Variants in ZCCHC2 observed in about 807,000 individuals in gnomAD.
ZCCHC2 encodes zinc finger CCHC domain-containing protein 2.
Under a neutral mutation model 103.6 loss-of-function variants are expected in ZCCHC2, and 39 were observed. The observed-to-expected ratio is 0.38, with a 90% CI of 0.29 to 0.49. The LOEUF (loss-of-function observed/expected upper bound fraction) is 0.49, where lower values mean the gene tolerates loss of function less well. ZCCHC2 is among the 20% of genes least tolerant of loss of function. ZCCHC2 has a pLI of 0.96. For synonymous variants in ZCCHC2, 687 were observed against 608.9 expected (o/e 1.13, Z -1.89); for missense variants, 1,483 against 1,491.0 (o/e 0.99, Z 0.09).
intron 1 of ZCCHC2, among the ~76,000 whole-genome samples, chr18:62,538,045 A>G (rs1915003826): frequency 6.6e-6 from 1 of 152,208 alleles, no homozygotes; most frequent in African/African-American, 2.4e-5. Context: ...ATTTGAAAGT[A>G]TTGCTTTAAA....
chr18:62,582,255 G>A (rs1195136607), downstream of ZCCHC2, among the ~76,000 whole-genome samples: 6 of 152,270 alleles, frequency 3.9e-5, no homozygotes, highest in Non-Finnish European at 8.8e-5. Context: ...GCATGGCCAG[G>A]AGGGCCGAGA....
intron 11 of ZCCHC2, among the ~76,000 whole-genome samples, chr18:62,565,326 A>C (rs990796958): frequency 6.6e-6 from 1 of 152,064 alleles, no homozygotes; most frequent in African/African-American, 2.4e-5. Flanking sequence ...AGTGATTCTC[A>C]CCTGCCTCTC....
intron 1 of ZCCHC2, chr18:62,524,693 T>G: frequency 6.1e-6 from 2 of 329,178 alleles, no homozygotes; most frequent in Non-Finnish European, 1.1e-5. Flanking sequence ...GGGACGTTTT[T>G]GGCTCTGAGC....
intron 1 of ZCCHC2, among the ~76,000 whole-genome samples, chr18:62,526,622 G>A (rs1448110159): frequency 6.6e-6 from 1 of 152,132 alleles, no homozygotes; most frequent in Non-Finnish European, 1.5e-5. Flanking sequence ...TCCCGCCGCC[G>A]CCGCCGCGCA....
chr18:62,563,427 GGCAGGAGGATT>G, intron 9 of ZCCHC2, among the ~76,000 whole-genome samples: 1 of 152,268 alleles, frequency 6.6e-6, no homozygotes, highest in East Asian at 1.9e-4. Context: ...GGGAAGCTAA[GGCAGGAGGATT>G]GCTTGAGGCC....
Position 62,548,713 on chromosome 18 carries a change from A to C in ZCCHC2, c.1201-1635A>C, listed in dbSNP as rs775727415. 7.9e-5 allele frequency among the ~76,000 whole-genome samples: 12 copies of C among 150,950 alleles called. 1 individual carries two copies. The highest frequency in any genetic ancestry group is 1.8e-4 in the Non-Finnish European group (12 of 67,768). ...CACGGCCTGTGGATCATCTGAGGTC[A>C]GGAGTTCGAGACCAACCTAACCAAC... On this transcript the variant is annotated intron_variant, in intron 4 of 13. Transcript: ENST00000269499.
At chr18:62,558,237 C>G (rs1240054944) in intron 6 of ZCCHC2, among the ~76,000 whole-genome samples, 2 of 152,082 alleles carry the variant, frequency 1.3e-5, no homozygotes, top group African/African-American at 2.4e-5. Flanking sequence ...TGTTACTGTT[C>G]TGTAACACGA....
intron 10 of ZCCHC2, 74 bp from the exon 11 acceptor site, chr18:62,564,928 T>C: frequency 9.1e-7 from 1 of 1,094,546 alleles, no homozygotes; most frequent in Non-Finnish European, 1.3e-6. Context: ...TGAAGGAAAT[T>C]TTATCAATAC....
chr18:62,551,087 A>C (rs1915645304), intron 5 of ZCCHC2: 1 of 152,234 alleles, frequency 6.6e-6, no homozygotes, highest in Non-Finnish European at 1.5e-5. Flanking sequence ...GATGTAGGGA[A>C]ATGTACTTGT....
intron 1 of ZCCHC2, among the ~76,000 whole-genome samples, chr18:62,532,114 T>G (rs1276402575): frequency 6.6e-6 from 1 of 151,728 alleles, no homozygotes; most frequent in African/African-American, 2.4e-5. Flanking sequence ...AGTGAAGGGG[T>G]GTGTGTGTGC....
intron 13 of ZCCHC2, among the ~76,000 whole-genome samples, chr18:62,575,768 T>A (rs1916816598): frequency 6.6e-6 from 1 of 151,976 alleles, no homozygotes; most frequent in African/African-American, 2.4e-5. Flanking sequence ...AGTTTCCAAT[T>A]AAGGAATAAA....
In ZCCHC2 at chr18:62,523,574, C is replaced by T. The variant is rs1222895683; in HGVS notation, c.150C>T (p.Pro50=). The T allele has an allele frequency of 4.3e-6, 4 of 927,088 alleles. No individual in the cohort carries two copies. In the Admixed American group the frequency reaches 3.1e-4, roughly 71 times the overall value. The allele number at this position is 927,088 out of a possible 1,614,324, so 57.4% of individuals were successfully genotyped here. A position where few individuals can be genotyped will look rare whatever the true frequency, so the allele number is the denominator to read the frequency against. ...DCRPPPPPPP[P]AGPSRGPLPP... The stretch of plus-strand genomic sequence containing the variant: ...GCCCCCCGCCGCCGCCGCCGCCGCC[C>T]GCGGGCCCGTCGCGGGGCCCTCTGC... Residue 50 remains proline (P), a synonymous_variant, in exon 1 of 14, where the codon CCC becomes CCT. Coordinates refer to ENST00000269499, the MANE Select transcript of ZCCHC2 (RefSeq NM_017742.6).
chr18:62,531,315 A>G (rs981032213), intron 1 of ZCCHC2, among the ~76,000 whole-genome samples: 4 of 152,184 alleles, frequency 2.6e-5, no homozygotes, highest in Non-Finnish European at 5.9e-5. Flanking sequence ...GGCCGGGGGT[A>G]GTTGGCTTCC....
At chr18:62,553,919 TAA>T (rs1472211327) in intron 5 of ZCCHC2, among the ~76,000 whole-genome samples, 5 of 152,240 alleles carry the variant, frequency 3.3e-5, no homozygotes, top group Non-Finnish European at 7.3e-5. Context: ...AGAGGTGTTT[TAA>T]ATTTTTATAT....
intron 5 of ZCCHC2, chr18:62,551,897 C>A (rs1023321954): frequency 6.6e-6 from 1 of 152,106 alleles, no homozygotes; most frequent in East Asian, 1.9e-4. Context: ...CTTGAGGTGG[C>A]CCAGTTTGGA....
chr18:62,570,806 A>G (rs564567820), intron 12 of ZCCHC2, among the ~76,000 whole-genome samples: 1 of 152,122 alleles, frequency 6.6e-6, no homozygotes, highest in Non-Finnish European at 1.5e-5. Flanking sequence ...GATCTCTGCT[A>G]TTTGTCCATT....
intron 4 of ZCCHC2, among the ~76,000 whole-genome samples, chr18:62,549,880 T>A (rs1441820779): frequency 6.6e-6 from 1 of 152,226 alleles, no homozygotes; most frequent in African/African-American, 2.4e-5. Context: ...GATCTGACAT[T>A]GCCTGAGAGT....
At chr18:62,582,960 T>C (rs1017242123), downstream of ZCCHC2, among the ~76,000 whole-genome samples, 2 of 151,448 alleles carry the variant, frequency 1.3e-5, no homozygotes, top group African/African-American at 4.9e-5. Context: ...AAAAATTAGC[T>C]GGTCCTGGTG....
chr18:62,543,404 A>T (rs1915283668), intron 3 of ZCCHC2, among the ~76,000 whole-genome samples: 1 of 152,108 alleles, frequency 6.6e-6, no homozygotes, highest in Non-Finnish European at 1.5e-5. Flanking sequence ...CCATCCCACC[A>T]CTTGCTCGTT....
Sources: allele counts gnomAD v4.1 joint callset (sites outside exome capture counted in the v4.1 genomes callset), GRCh38; gene constraint gnomAD v4.1.1; transcripts MANE v1.5; gene names NCBI Gene and HGNC (gene_info 2026-07-23, HGNC 2026-07-21).